The following NOL10 variants were observed in gnomAD, a reference collection of about 807,000 sequenced individuals.
NOL10 encodes the protein nucleolar protein 10.
NOL10 carries 58 observed loss-of-function variants against 103.5 expected under a neutral mutation model. That is an observed-to-expected ratio of 0.56 (90% CI 0.45 to 0.70). NOL10 has a LOEUF of 0.70. Ranked by LOEUF, NOL10 falls within the 30% of genes least tolerant of loss-of-function variation. The pLI, the probability that NOL10 is intolerant of heterozygous loss-of-function variation, is 0.00. For synonymous variants in NOL10, 287 were observed against 282.5 expected, an observed-to-expected ratio of 1.02 and a Z score of -0.16; for missense variants, 763 against 807.3, an observed-to-expected ratio of 0.95 and a Z score of 0.67.
chr2:10,627,671 T>C (rs1677559176), intron 13 of NOL10, among the ~76,000 whole-genome samples: 1 of 148,134 alleles, frequency 6.8e-6, no homozygotes, highest in Non-Finnish European at 1.5e-5. Flanking sequence ...TAAGACTCCG[T>C]CTCAAAAAAA....
At chr2:10,652,168 A>AG (rs1485122021) in intron 12 of NOL10, among the ~76,000 whole-genome samples, 2 of 151,266 alleles carry the variant, frequency 1.3e-5, no homozygotes, top group East Asian at 2.0e-4. Context: ...TGAATCCGGG[A>AG]GGGGGAGGTT....
At chr2:10,647,398 T>C (rs1457093906) in intron 12 of NOL10, among the ~76,000 whole-genome samples, 3 of 152,154 alleles carry the variant, frequency 2.0e-5, no homozygotes, top group Non-Finnish European at 2.9e-5. Flanking sequence ...GTGCAGAAAT[T>C]GAAAAGAAGC....
chr2:10,665,195 T>C (rs2148331068), intron 8 of NOL10, among the ~76,000 whole-genome samples: 1 of 152,330 alleles, frequency 6.6e-6, no homozygotes, highest in East Asian at 1.9e-4. Context: ...GGTCTAGTCT[T>C]CTATGTCTTC....
chr2:10,630,305 G>T (rs921587549), intron 13 of NOL10, among the ~76,000 whole-genome samples: 1 of 152,162 alleles, frequency 6.6e-6, no homozygotes, highest in Non-Finnish European at 1.5e-5. Context: ...GGCAATGCTG[G>T]TATTCAAACT....
chr2:10,598,731 T>C (rs1307968030), intron 17 of NOL10, among the ~76,000 whole-genome samples: 1 of 152,228 alleles, frequency 6.6e-6, no homozygotes, highest in African/African-American at 2.4e-5. Flanking sequence ...AGAAAAATGC[T>C]GGCTCCGTAT....
At chr2:10,668,839 G>C in intron 6 of NOL10, 116 bp from the exon 7 acceptor site, 1 of 371,198 alleles carries the variant, frequency 2.7e-6, no homozygotes, top group Non-Finnish European at 4.9e-6. Flanking sequence ...TTGTAACACT[G>C]ATACAAAAAC....
chr2:10,675,692 C>T (rs1681260543), intron 4 of NOL10, 102 bp downstream of exon 4: 3 of 648,486 alleles, frequency 4.6e-6, no homozygotes, highest in Admixed American at 3.0e-5. Flanking sequence ...ATTTGTTATA[C>T]AGCAATAAAA....
intron 13 of NOL10, among the ~76,000 whole-genome samples, chr2:10,623,478 G>A (rs1677265740): frequency 6.6e-6 from 1 of 152,068 alleles, no homozygotes. Flanking sequence ...ATTACTTATG[G>A]GAAAGTGACT....
rs76986875 is a variant in NOL10, at chr2:10,594,001, A to G, written c.1423-4250T>C. On this transcript the variant is annotated intron_variant, in intron 17 of 20. Coordinates refer to ENST00000381685, the MANE Select transcript of NOL10 (RefSeq NM_024894.4). ...ACTGAGGGACCCTGTCCCCACCTAG[A>G]GTTTTCATTCAGTTTTTTAACTCTC... Among the ~76,000 whole-genome samples the G allele has an allele frequency of 1.1e-4, 17 of 152,314 alleles. No homozygotes were observed. In the East Asian group the frequency reaches 3.3e-3, roughly 29 times the overall value.
chr2:10,599,474 G>GAT (rs1257763857), intron 17 of NOL10, among the ~76,000 whole-genome samples: 2 of 152,294 alleles, frequency 1.3e-5, no homozygotes, highest in Middle Eastern at 3.4e-3. Context: ...AACACTTAAA[G>GAT]ATATATATAT....
At chr2:10,592,166 G>A (rs1470018302) in intron 17 of NOL10, among the ~76,000 whole-genome samples, 9 of 152,120 alleles carry the variant, frequency 5.9e-5, no homozygotes, top group Non-Finnish European at 4.4e-5. Flanking sequence ...TAGGGCAATG[G>A]GAACAGACAG....
Position 10,660,868 on chromosome 2 carries a change from G to A in NOL10, c.678-1618C>T, listed in dbSNP as rs149274581. Among the ~76,000 whole-genome samples the A allele has an allele frequency of 6.5e-3, 968 of 149,928 alleles. 15 individuals are homozygous for A. The highest frequency in any genetic ancestry group is 0.022 in the African/African-American group (894 of 40,694). On this transcript the variant is annotated intron_variant, in intron 9 of 20. Coordinates refer to ENST00000381685, the MANE Select transcript of NOL10 (RefSeq NM_024894.4). ...CAACACTTACACTTATTGCCTTCTC[G>A]TATTGGTTCCACTAGAAGTGACAGC...
At chr2:10,602,673 G>A (rs1676041910) in intron 16 of NOL10, 103 bp downstream of exon 16, 2 of 740,116 alleles carry the variant, frequency 2.7e-6, no homozygotes, top group Non-Finnish European at 4.4e-6. Flanking sequence ...GCAAATTAAA[G>A]ATGGAAAATC....
chr2:10,650,155 A>G (rs2148294967), intron 12 of NOL10, among the ~76,000 whole-genome samples: 1 of 152,292 alleles, frequency 6.6e-6, no homozygotes, highest in African/African-American at 2.4e-5. Context: ...TACAATTAAA[A>G]TGTTAGCAAG....
chr2:10,675,664 C>T (rs1032058456), intron 4 of NOL10, 130 bp downstream of exon 4: 8 of 569,334 alleles, frequency 1.4e-5, no homozygotes, highest in African/African-American at 5.7e-5. Context: ...TTTAAGCCAT[C>T]GGGATTGTAG....
At chr2:10,688,353 A>G (rs1344164552) in intron 1 of NOL10, among the ~76,000 whole-genome samples, 5 of 152,136 alleles carry the variant, frequency 3.3e-5, no homozygotes, top group African/African-American at 1.2e-4. Flanking sequence ...CTACCTCTCC[A>G]GCCTCATCCA....
At chr2:10,623,690 A>G (rs551846358) in intron 13 of NOL10, among the ~76,000 whole-genome samples, 22 of 152,274 alleles carry the variant, frequency 1.4e-4, no homozygotes, top group South Asian at 2.1e-4. Flanking sequence ...ATGTTTGTAT[A>G]ATAAATGACC....
At chr2:10,586,262 T>G (rs1318651005) in intron 19 of NOL10, among the ~76,000 whole-genome samples, 1 of 152,160 alleles carries the variant, frequency 6.6e-6, no homozygotes. Context: ...GCAGATGAAT[T>G]GTATGTTACA....
At chr2:10,586,012 C>A (rs1675004770) in intron 19 of NOL10, among the ~76,000 whole-genome samples, 1 of 151,912 alleles carries the variant, frequency 6.6e-6, no homozygotes, top group Non-Finnish European at 1.5e-5. Context: ...AAGAGGCCAG[C>A]CACAAAGGGC....
Sources: allele counts gnomAD v4.1 joint callset (sites outside exome capture counted in the v4.1 genomes callset), GRCh38; gene constraint gnomAD v4.1.1; transcripts MANE v1.5; gene names NCBI Gene and HGNC (gene_info 2026-07-23, HGNC 2026-07-21).